The following TRHDE variants were observed in gnomAD, a reference collection of about 807,000 sequenced individuals.
TRHDE encodes the protein thyrotropin releasing hormone degrading enzyme, also known as thyrotropin-releasing hormone-degrading ectoenzyme.
In TRHDE, 72 loss-of-function variants were observed where a neutral mutation model predicts 125.7. That is an observed-to-expected ratio of 0.57 (90% confidence interval 0.47 to 0.70). The LOEUF (loss-of-function observed/expected upper bound fraction) is 0.70. Among genes scored for constraint, TRHDE ranks in the 30% least tolerant of loss-of-function variants. TRHDE has a pLI of 0.00. For synonymous variants in TRHDE, 509 were observed against 509.1 expected, an observed-to-expected ratio of 1.00 and a Z score of 0.00; for missense variants, 1,110 against 1,327.1, an observed-to-expected ratio of 0.84 and a Z score of 2.54.
At chr12:72,540,284 A>G (rs1477270906) in intron 6 of TRHDE, among the ~76,000 whole-genome samples, 2 of 151,770 alleles carry the variant, frequency 1.3e-5, no homozygotes, top group African/African-American at 4.8e-5. Flanking sequence ...ATTGAGTTAT[A>G]CAATATAATA....
At chr12:72,223,741 C>T (rs1878046041) in intron 2 of TRHDE, among the ~76,000 whole-genome samples, 1 of 151,976 alleles carries the variant, frequency 6.6e-6, no homozygotes, top group African/African-American at 2.4e-5. Flanking sequence ...CTTGACATGC[C>T]CTTTTTCATC....
At chr12:72,168,783 G>A (rs756769396) in intron 2 of TRHDE, among the ~76,000 whole-genome samples, 102 of 152,104 alleles carry the variant, frequency 6.7e-4, no homozygotes, top group Non-Finnish European at 7.5e-4. Flanking sequence ...AAACAATGTA[G>A]ATTATTGGCA....
chr12:72,387,399 G>T (rs1020355971), intron 3 of TRHDE, among the ~76,000 whole-genome samples: 1 of 151,432 alleles, frequency 6.6e-6, no homozygotes. Context: ...GCTAGTATTC[G>T]CATTCCAACC....
At chr12:72,485,487 G>C (rs1877360757) in intron 5 of TRHDE, among the ~76,000 whole-genome samples, 1 of 152,106 alleles carries the variant, frequency 6.6e-6, no homozygotes, top group Non-Finnish European at 1.5e-5. Context: ...CCAGCCCCTG[G>C]GGACCTCAGG....
At chr12:72,599,561 A>T (rs1030464814) in intron 12 of TRHDE, among the ~76,000 whole-genome samples, 1 of 151,684 alleles carries the variant, frequency 6.6e-6, no homozygotes, top group Non-Finnish European at 1.5e-5. Flanking sequence ...CTTTGTAATG[A>T]GGTTATTTGG....
intron 12 of TRHDE, among the ~76,000 whole-genome samples, chr12:72,610,524 C>T (rs901952240): frequency 5.3e-5 from 8 of 152,104 alleles, no homozygotes; most frequent in South Asian, 2.1e-4. Flanking sequence ...CAAAAACTTG[C>T]GGTGGCTTTC....
intron 6 of TRHDE, among the ~76,000 whole-genome samples, chr12:72,534,250 A>G (rs1050088041): frequency 2.0e-5 from 3 of 152,240 alleles, no homozygotes; most frequent in Non-Finnish European, 2.9e-5. Context: ...AAGTCATGTG[A>G]AACAATTAGC....
intron 12 of TRHDE, among the ~76,000 whole-genome samples, chr12:72,595,229 A>G (rs949167461): frequency 1.3e-5 from 2 of 150,934 alleles, no homozygotes; most frequent in African/African-American, 2.5e-5. Context: ...TAACCTGCAC[A>G]TTGTGCACAT....
chr12:72,155,549 G>A (rs1876483801), intron 2 of TRHDE, among the ~76,000 whole-genome samples: 1 of 152,096 alleles, frequency 6.6e-6, no homozygotes, highest in African/African-American at 2.4e-5. Flanking sequence ...TTTGATGATG[G>A]TGATGTACAA....
chr12:72,618,799 T>G, intron 12 of TRHDE, 92 bp from the exon 13 acceptor site: 2 of 1,026,540 alleles, frequency 1.9e-6, no homozygotes, highest in East Asian at 2.7e-5. Flanking sequence ...TTCTTTATAC[T>G]ATGATGAATT....
At chr12:72,133,768 C>T (rs768271505) in intron 2 of TRHDE, among the ~76,000 whole-genome samples, 1 of 152,124 alleles carries the variant, frequency 6.6e-6, no homozygotes, top group Non-Finnish European at 1.5e-5. Flanking sequence ...ACTTACTGTC[C>T]TGGTTGCTCC....
rs190942358 is a variant in TRHDE, at chr12:72,661,493, T to A, written c.3067-1559T>A. Among the ~76,000 whole-genome samples, 128 of 152,322 alleles carry A rather than the reference T, an allele frequency of 8.4e-4. 1 individual carries two copies. Among genetic ancestry groups the A allele is most frequent in the African/African-American group, 2.7e-3 (113 of 41,584 alleles). ...ATGCCATTATAATATCATATTTTTA[T>A]AATAAATTAAAACAAAATTCAAAAC... is the stretch of plus-strand genomic sequence containing the variant. On this transcript the variant is annotated intron_variant, in intron 18 of 18. Transcript: ENST00000261180.
At chr12:72,229,344 C>T in intron 2 of TRHDE, among the ~76,000 whole-genome samples, 1 of 152,102 alleles carries the variant, frequency 6.6e-6, no homozygotes, top group East Asian at 1.9e-4. Flanking sequence ...TTTTTAAAAC[C>T]ATCAGATCTC....
chr12:72,240,627 T>C (rs1202153023), intron 2 of TRHDE, among the ~76,000 whole-genome samples: 1 of 151,930 alleles, frequency 6.6e-6, no homozygotes, highest in Non-Finnish European at 1.5e-5. Context: ...TGGAGTACAG[T>C]GGCGCGATCT....
intron 2 of TRHDE, among the ~76,000 whole-genome samples, chr12:72,366,801 G>A (rs534368906): frequency 2.4e-4 from 36 of 151,664 alleles, no homozygotes; most frequent in Admixed American, 1.5e-3. Flanking sequence ...GTACAAGCAG[G>A]GACAGGCCAT....
At chr12:72,612,279 C>T (rs1220328013) in intron 12 of TRHDE, among the ~76,000 whole-genome samples, 1 of 152,162 alleles carries the variant, frequency 6.6e-6, no homozygotes, top group Admixed American at 6.5e-5. Context: ...TTAAACCACT[C>T]CCTTCTAATT....
chr12:72,299,244 G>A (rs1036592330), intron 2 of TRHDE, among the ~76,000 whole-genome samples: 1 of 152,202 alleles, frequency 6.6e-6, no homozygotes, highest in Admixed American at 6.5e-5. Flanking sequence ...GTACTAAGAT[G>A]GATAAATAAG....
At chr12:72,374,223 T>G (rs1320700879) in intron 2 of TRHDE, among the ~76,000 whole-genome samples, 1 of 151,420 alleles carries the variant, frequency 6.6e-6, no homozygotes, top group Non-Finnish European at 1.5e-5. Context: ...ATACAGGGGT[T>G]GGGTATGGAC....
intron 10 of TRHDE, among the ~76,000 whole-genome samples, chr12:72,571,468 T>C (rs10128837): frequency 0.27 from 40,480 of 152,068 alleles, 8,131 homozygotes; most frequent in African/African-American, 0.54. Flanking sequence ...GTCAGTTCAA[T>C]TTTTGAAAGT....
Sources: gnomAD v4.1 joint callset for allele counts (sites outside exome capture counted in the v4.1 genomes callset) on GRCh38, gnomAD v4.1.1 for gene constraint, MANE v1.5 for transcripts, NCBI Gene and HGNC (gene_info 2026-07-23, HGNC 2026-07-21) for gene names.